The following NPHS2 variants were observed in gnomAD, a reference collection of about 807,000 sequenced individuals.
The protein encoded by NPHS2 is podocin.
Under a neutral mutation model 37.1 loss-of-function variants are expected in NPHS2, and 36 were observed. The observed-to-expected ratio is 0.97, with a 90% CI of 0.74 to 1.28. The LOEUF is 1.28. Among genes scored for constraint, NPHS2 ranks in the 50% most tolerant of loss-of-function variants. The pLI is 0.00. For synonymous variants in NPHS2, 196 were observed against 189.3 expected, an observed-to-expected ratio of 1.04 and a Z score of -0.29; for missense variants, 447 against 488.1, an observed-to-expected ratio of 0.92 and a Z score of 0.79.
chr1:179,574,190 A>G (rs1363872215), intron 1 of NPHS2, among the ~76,000 whole-genome samples: 1 of 152,180 alleles, frequency 6.6e-6, no homozygotes, highest in Non-Finnish European at 1.5e-5. Flanking sequence ...AGGCCCAAAA[A>G]GGTGCCCAAG....
intron 1 of NPHS2, among the ~76,000 whole-genome samples, chr1:179,566,978 T>C (rs1470369789): frequency 6.7e-6 from 1 of 149,006 alleles, no homozygotes; most frequent in Non-Finnish European, 1.5e-5. Context: ...CCTTGTAGTA[T>C]AGTTTGAAGT....
At chr1:179,565,919 G>A (rs1674318350) in intron 1 of NPHS2, among the ~76,000 whole-genome samples, 1 of 152,146 alleles carries the variant, frequency 6.6e-6, no homozygotes, top group Admixed American at 6.5e-5. Context: ...TTTTATGGCT[G>A]CATAGTATTC....
At chr1:179,564,651 C>T (rs773810054) in intron 2 of NPHS2, 39 bp downstream of exon 2, 8 of 1,526,786 alleles carry the variant, frequency 5.2e-6, no homozygotes, top group Middle Eastern at 1.7e-4. Context: ...CAGTGAGAGG[C>T]CTCAGGAAAT....
Position 179,575,668 on chromosome 1 carries a change from TC to T in NPHS2, c.196del (p.Asp66ThrfsTer33). On this transcript the variant is annotated frameshift_variant, in exon 1 of 8. Coordinates refer to ENST00000367615, the MANE Select transcript of NPHS2 (RefSeq NM_014625.4). LOFTEE classifies it high-confidence loss of function. Reference protein sequence around the residue: ...EPRAPAATVVDVDEVRGSGEE... With the variant: ...EPRAPAATVVXVDEVRGSGEE... ...GCCGGAGCCTCGGACCTCATCCACG[TC>T]CACCACCGTGGCGGCGGGCGCTCGG... The T allele has an allele frequency of 6.2e-7, 1 of 1,602,790 alleles. No individual in the cohort carries two copies. The highest frequency in any genetic ancestry group is 1.3e-5 in the African/African-American group (1 of 75,018).
At position 179,551,360 on chromosome 1, in the gene NPHS2, C is replaced by G. The variant is rs776859868; in HGVS notation, c.965G>C (p.Arg322Pro). ...LSGTPAAVQLRYLHTLQSLST... is the reference protein window; with the variant it reads ...LSGTPAAVQLPYLHTLQSLST... ...CAGAGACTGAAGGGTGTGGAGGTAT[C>G]GAAGCTGAACGGCAGCAGGGGTGCC... The change falls in exon 8 of 8, where the codon CGA becomes CCA. Residue 322 changes from arginine (R) to proline (P), a missense_variant. Transcript: ENST00000367615. The G allele has an allele frequency of 8.7e-6, 14 of 1,613,936 alleles. No individual in the cohort carries two copies. In the South Asian group the frequency reaches 1.1e-4, roughly 13 times the overall value.
chr1:179,565,255 C>G (rs1674290588), intron 1 of NPHS2, among the ~76,000 whole-genome samples: 1 of 152,126 alleles, frequency 6.6e-6, no homozygotes, highest in Non-Finnish European at 1.5e-5. Flanking sequence ...GCCTGGGTGA[C>G]AGAGCTAGAT....
chr1:179,565,880 G>A (rs1486369771), intron 1 of NPHS2, among the ~76,000 whole-genome samples: 1 of 152,148 alleles, frequency 6.6e-6, no homozygotes, highest in African/African-American at 2.4e-5. Context: ...CTTCATCCAT[G>A]TCCCTACAAA....
chr1:179,556,402 GC>G lies in NPHS2; in HGVS notation c.738+624del, dbSNP rs148993609. ...TCCTCTGAATACCTGTTGCCTACCTGCCTTGGTAAGAATCAAAGCCACCGAC... is the reference window on the plus strand; with the variant it reads ...TCCTCTGAATACCTGTTGCCTACCTGCTTGGTAAGAATCAAAGCCACCGAC... On this transcript the variant is annotated intron_variant, in intron 5 of 7. Transcript: ENST00000367615. This position sits in a 1 kb window ranked among gnomAD's most constrained non-coding sequence, Gnocchi z 4.1. Among the ~76,000 whole-genome samples the G allele has an allele frequency of 3.7e-3, 566 of 152,274 alleles. 5 individuals carry two copies. Among genetic ancestry groups the G allele is most frequent in the African/African-American group, 0.013 (531 of 41,560 alleles).
intron 1 of NPHS2, among the ~76,000 whole-genome samples, chr1:179,567,048 G>A (rs1475934571): frequency 6.6e-6 from 1 of 152,166 alleles, no homozygotes; most frequent in Non-Finnish European, 1.5e-5. Flanking sequence ...GACAATGTGG[G>A]CTCTTTTTTT....
At chr1:179,569,493 C>T (rs931856876) in intron 1 of NPHS2, among the ~76,000 whole-genome samples, 2 of 152,136 alleles carry the variant, frequency 1.3e-5, no homozygotes, top group African/African-American at 2.4e-5. Context: ...GACTCTTTAT[C>T]CAATTTGCCA....
chr1:179,563,845 G>C (rs926405132), intron 2 of NPHS2, among the ~76,000 whole-genome samples: 4 of 152,126 alleles, frequency 2.6e-5, no homozygotes, highest in African/African-American at 9.7e-5. Context: ...AGAGGAAAGA[G>C]CTGCTGCTTG....
intron 1 of NPHS2, among the ~76,000 whole-genome samples, chr1:179,566,870 G>A (rs1188089324): frequency 6.6e-6 from 1 of 152,184 alleles, no homozygotes; most frequent in Admixed American, 6.5e-5. Flanking sequence ...AGATCAGATG[G>A]TTGTAGATGT....
rs758242203 is a variant in NPHS2 at position 179,552,597 on chromosome 1, G to C, written c.873+6C>G. On this transcript the variant is annotated splice_donor_region_variant and intron_variant, in intron 7 of 7. Transcript: ENST00000367615. ...GGCAGTCTGGGTGGGAGGATGGAGTGCTCACCCGCACTTTGGCTTGTCTTT... is the reference window on the plus strand; with the variant it reads ...GGCAGTCTGGGTGGGAGGATGGAGTCCTCACCCGCACTTTGGCTTGTCTTT... 41 of 1,612,268 alleles carry C rather than the reference G, an allele frequency of 2.5e-5. No homozygotes were observed. Among genetic ancestry groups the C allele is most frequent in the Non-Finnish European group, 3.4e-5 (40 of 1,178,844 alleles).
Position 179,557,008 on chromosome 1 carries a change from A to T in NPHS2, c.738+19T>A. 1 of 1,586,310 alleles carries T rather than the reference A, an allele frequency of 6.3e-7. No individual in the cohort carries two copies. ...AGATAAATATTTCAGCATATTGGCC[A>T]TTATGTTTATCTAAGTACCTTTGCA... On this transcript the variant is annotated intron_variant, in intron 5 of 7. Coordinates refer to ENST00000367615, the MANE Select transcript of NPHS2 (RefSeq NM_014625.4).
chr1:179,570,092 C>CT (rs1674495540), intron 1 of NPHS2, among the ~76,000 whole-genome samples: 1 of 152,144 alleles, frequency 6.6e-6, no homozygotes, highest in Admixed American at 6.5e-5. Context: ...GTTGGCCTGC[C>CT]TTGCTAGATT....
At chr1:179,574,303 C>T (rs146356449) in intron 1 of NPHS2, among the ~76,000 whole-genome samples, 238 of 152,264 alleles carry the variant, frequency 1.6e-3, no homozygotes, top group African/African-American at 5.4e-3. Context: ...TCTCTACTTC[C>T]CAGCTACACG....
chr1:179,564,536 C>G (rs1674262365), intron 2 of NPHS2, among the ~76,000 whole-genome samples, 154 bp downstream of exon 2: 1 of 152,148 alleles, frequency 6.6e-6, no homozygotes, highest in African/African-American at 2.4e-5. Flanking sequence ...TGAGCAAGGT[C>G]TTGGAGGAGT....
intron 7 of NPHS2, 57 bp from the exon 8 acceptor site, chr1:179,551,508 C>A: frequency 6.2e-7 from 1 of 1,601,160 alleles, no homozygotes; most frequent in Non-Finnish European, 8.5e-7. Context: ...AAGGCTTCAC[C>A]ACTATGCAGT....
chr1:179,563,311 G>A (rs2125789181), intron 2 of NPHS2, among the ~76,000 whole-genome samples: 1 of 149,698 alleles, frequency 6.7e-6, no homozygotes, highest in Middle Eastern at 3.5e-3. Context: ...TAAAAACAGA[G>A]TTCCAAAATA....
Sources: allele counts gnomAD v4.1 joint callset (sites outside exome capture counted in the v4.1 genomes callset), GRCh38; gene constraint gnomAD v4.1.1; non-coding constraint Gnocchi (gnomAD v3.1); transcripts MANE v1.5; gene names NCBI Gene and HGNC (gene_info 2026-07-23, HGNC 2026-07-21).